The following CCSER1 variants were observed in gnomAD, a reference collection of about 807,000 sequenced individuals.
CCSER1 encodes serine-rich coiled-coil domain-containing protein 1.
CCSER1 carries 41 observed loss-of-function variants against 82.0 expected under a neutral mutation model. That is an observed-to-expected ratio of 0.50 (90% CI 0.39 to 0.65). CCSER1 has a LOEUF of 0.65. Ranked by LOEUF, CCSER1 falls within the 30% of genes least tolerant of loss-of-function variation. The pLI is 0.00. For synonymous variants in CCSER1, 414 were observed against 383.9 expected (o/e 1.08, Z -0.92); for missense variants, 1,119 against 1,064.2 (o/e 1.05, Z -0.72).
intron 1 of CCSER1, among the ~76,000 whole-genome samples, chr4:90,250,264 T>G (rs1353613377): frequency 6.6e-6 from 1 of 152,112 alleles, no homozygotes; most frequent in Non-Finnish European, 1.5e-5. Flanking sequence ...TTACTTTTGC[T>G]TATACATTTG....
chr4:90,251,676 T>C (rs1375858894), intron 1 of CCSER1, among the ~76,000 whole-genome samples: 4 of 151,798 alleles, frequency 2.6e-5, no homozygotes, highest in Admixed American at 1.3e-4. Context: ...TGTTCTTTTC[T>C]TTATTATAGG....
intron 1 of CCSER1, among the ~76,000 whole-genome samples, chr4:90,267,701 A>G (rs1217487756): frequency 6.6e-6 from 1 of 152,194 alleles, no homozygotes; most frequent in African/African-American, 2.4e-5. Context: ...GGTCATCCAG[A>G]TAATTCTTCC....
In CCSER1 at chr4:90,551,704, CTCTA is replaced by C. The variant is rs1313240108; in HGVS notation, c.1725-76319_1725-76316del. On this transcript the variant is annotated intron_variant, in intron 5 of 10. Coordinates refer to ENST00000509176, the MANE Select transcript of CCSER1 (RefSeq NM_001145065.2). The stretch of plus-strand genomic sequence containing the variant: ...TCTCTCTCTCTCTCTCTCTCTCTCT[CTCTA>C]TATATATATATATATATATGTAATT... 7.5e-3 allele frequency among the ~76,000 whole-genome samples: 810 copies of C among 107,538 alleles called. 13 individuals carry two copies. Among genetic ancestry groups the C allele is most frequent in the African/African-American group, 0.025 (554 of 22,094 alleles). 70.5% of individuals were successfully genotyped at this position (107,538 alleles called of 152,430 possible). A position where few individuals can be genotyped will look rare whatever the true frequency, so the allele number is the denominator to read the frequency against.
chr4:91,590,099 T>C (rs1041869966), intron 10 of CCSER1, among the ~76,000 whole-genome samples: 18 of 152,194 alleles, frequency 1.2e-4, no homozygotes, highest in Admixed American at 5.2e-4. Context: ...TTTTACTCTC[T>C]TGGGAGCTCT....
rs565027218 is a variant in CCSER1 at position 90,591,234 on chromosome 4, CAG to C, written c.1725-36787_1725-36786del. 6.2e-3 allele frequency among the ~76,000 whole-genome samples: 940 copies of C among 152,218 alleles called. 10 individuals carry two copies. The highest frequency in any genetic ancestry group is 0.021 in the African/African-American group (881 of 41,544). Reference sequence around the variant, plus strand: ...AATATCCAATCATGTCATCTGCAAACAGAGAAAATTTGACTTCCTCTCTTCCT... The same window carrying C: ...AATATCCAATCATGTCATCTGCAAACAGAAAATTTGACTTCCTCTCTTCCT... On this transcript the variant is annotated intron_variant, in intron 5 of 10. Transcript: ENST00000509176.
At chr4:90,338,038 T>C (rs2153502387) in intron 3 of CCSER1, among the ~76,000 whole-genome samples, 1 of 152,296 alleles carries the variant, frequency 6.6e-6, no homozygotes, top group East Asian at 1.9e-4. Context: ...GATGAATTTT[T>C]TATACTCTGA....
At chr4:90,689,807 T>TC (rs1735486496) in intron 6 of CCSER1, among the ~76,000 whole-genome samples, 1 of 151,820 alleles carries the variant, frequency 6.6e-6, no homozygotes, top group Non-Finnish European at 1.5e-5. Context: ...CTCTGGAGGG[T>TC]AAATTACAGG....
chr4:90,253,422 G>A (rs1279851418), intron 1 of CCSER1, among the ~76,000 whole-genome samples: 1 of 152,080 alleles, frequency 6.6e-6, no homozygotes, highest in East Asian at 1.9e-4. Context: ...ATTAAAGAAT[G>A]TTTTTATTCA....
intron 10 of CCSER1, among the ~76,000 whole-genome samples, chr4:91,243,399 G>A (rs1739522743): frequency 6.6e-6 from 1 of 152,086 alleles, no homozygotes; most frequent in East Asian, 1.9e-4. Context: ...AGTGGACTGG[G>A]GTAGCACTGA....
chr4:90,434,051 A>G (rs944559038), intron 4 of CCSER1, among the ~76,000 whole-genome samples: 11 of 151,826 alleles, frequency 7.2e-5, no homozygotes, highest in Non-Finnish European at 1.3e-4. Flanking sequence ...CTTTTTCCCC[A>G]CAATTATGGT....
intron 1 of CCSER1, among the ~76,000 whole-genome samples, chr4:90,241,922 A>G (rs1746931111): frequency 6.6e-6 from 1 of 152,240 alleles, no homozygotes; most frequent in Non-Finnish European, 1.5e-5. Flanking sequence ...ATTGTATTCT[A>G]AGAATCTTCT....
At chr4:91,114,328 C>A (rs1466348885) in intron 10 of CCSER1, among the ~76,000 whole-genome samples, 2 of 152,068 alleles carry the variant, frequency 1.3e-5, no homozygotes, top group Non-Finnish European at 1.5e-5. Context: ...CAAAGAGCAT[C>A]TATAGATACC....
intron 10 of CCSER1, among the ~76,000 whole-genome samples, chr4:91,311,137 T>A (rs1394823003): frequency 6.6e-6 from 1 of 152,008 alleles, no homozygotes; most frequent in African/African-American, 2.4e-5. Context: ...AAGATAGGGT[T>A]CATCTGACAT....
intron 9 of CCSER1, among the ~76,000 whole-genome samples, chr4:90,998,517 C>G (rs781100193): frequency 6.6e-6 from 1 of 152,020 alleles, no homozygotes; most frequent in Non-Finnish European, 1.5e-5. Context: ...TTTTAATATT[C>G]TATACTTTTC....
chr4:91,538,698 C>CATATATTATGTGTATATATATATATATAT lies in CCSER1; in HGVS notation c.2218-59868_2218-59867insTATGTGTATATATATATATATATATATAT. Among the ~76,000 whole-genome samples the CATATATTATGTGTATATATATATATATAT allele has an allele frequency of 6.9e-4, 95 of 138,316 alleles. 1 individual carries two copies. The highest frequency in any genetic ancestry group is 1.4e-3 in the South Asian group (6 of 4,358). 90.7% of individuals were successfully genotyped at this position (138,316 alleles called of 152,430 possible). On this transcript the variant is annotated intron_variant, in intron 10 of 10. Transcript: ENST00000509176. ...ATATATGATATATATTATATATACA[C>CATATATTATGTGTATATATATATATATAT]ATATATATATATAATATCTCAGTGC...
chr4:91,468,513 A>G (rs1023089759), intron 10 of CCSER1, among the ~76,000 whole-genome samples: 2 of 151,976 alleles, frequency 1.3e-5, no homozygotes, highest in African/African-American at 4.8e-5. Flanking sequence ...TAAAAAAAAA[A>G]GGAAAAATAT....
chr4:90,404,962 C>T (rs77006662), intron 4 of CCSER1, among the ~76,000 whole-genome samples: 3,830 of 152,138 alleles, frequency 0.025, 50 homozygotes, highest in African/African-American at 0.031. Flanking sequence ...TATTCTTTAA[C>T]GTTCCCAAAA....
chr4:90,129,248 G>T (rs930526632), intron 1 of CCSER1, among the ~76,000 whole-genome samples: 1 of 151,892 alleles, frequency 6.6e-6, no homozygotes, highest in East Asian at 1.9e-4. Flanking sequence ...CTAGGTGGGG[G>T]TCAGTTATCA....
At chr4:90,683,395 CTTAAGT>C (rs1314305955) in intron 6 of CCSER1, among the ~76,000 whole-genome samples, 1 of 151,938 alleles carries the variant, frequency 6.6e-6, no homozygotes, top group African/African-American at 2.4e-5. Flanking sequence ...TCATATTACT[CTTAAGT>C]TAATCCATCT....
Sources: allele counts gnomAD v4.1 joint callset (sites outside exome capture counted in the v4.1 genomes callset), GRCh38; gene constraint gnomAD v4.1.1; transcripts MANE v1.5; gene names NCBI Gene and HGNC (gene_info 2026-07-23, HGNC 2026-07-21).